The following RNLS variants were observed in gnomAD, a reference collection of about 807,000 sequenced individuals.
RNLS encodes renalase, FAD dependent amine oxidase, also known as renalase.
RNLS carries 39 observed loss-of-function variants against 39.8 expected under a neutral mutation model. The observed-to-expected ratio is 0.98, with a 90% confidence interval of 0.76 to 1.28. The LOEUF (loss-of-function observed/expected upper bound fraction) is 1.28, where lower values mean the gene tolerates loss of function less well. Among genes scored for constraint, RNLS ranks in the 50% most tolerant of loss-of-function variants. The pLI is 0.00. For synonymous variants in RNLS, 147 were observed against 150.7 expected, an observed-to-expected ratio of 0.98 and a Z score of 0.18; for missense variants, 410 against 413.3, an observed-to-expected ratio of 0.99 and a Z score of 0.07.
At chr10:88,337,832 C>A (rs556685371) in intron 5 of RNLS, among the ~76,000 whole-genome samples, 17 of 152,204 alleles carry the variant, frequency 1.1e-4, no homozygotes, top group African/African-American at 3.9e-4. Flanking sequence ...GTGTGTGAAG[C>A]CTTTAGTACT....
intron 4 of RNLS, among the ~76,000 whole-genome samples, chr10:88,516,435 G>C (rs1846410386): frequency 6.6e-6 from 1 of 151,900 alleles, no homozygotes; most frequent in African/African-American, 2.4e-5. Context: ...ATTTTATTTT[G>C]ATTAGGCAAG....
At chr10:88,522,434 A>G (rs1368562685) in intron 4 of RNLS, among the ~76,000 whole-genome samples, 1 of 152,086 alleles carries the variant, frequency 6.6e-6, no homozygotes, top group Non-Finnish European at 1.5e-5. Flanking sequence ...TGAACCAATA[A>G]AGATTTAGCA....
Position 88,549,770 on chromosome 10 carries a change from C to T in RNLS, c.526+23133G>A, listed in dbSNP as rs369461178. On this transcript the variant is annotated intron_variant, in intron 4 of 6. Coordinates refer to ENST00000331772, the MANE Select transcript of RNLS (RefSeq NM_001031709.3). Reference sequence around the variant, plus strand: ...ATCTGCAACATCATTTATCCTAGTCCTCTGAGTTATAGTTAAGGAGGTTGA... The same window carrying T: ...ATCTGCAACATCATTTATCCTAGTCTTCTGAGTTATAGTTAAGGAGGTTGA... Among the ~76,000 whole-genome samples the T allele has an allele frequency of 5.8e-4, 89 of 152,242 alleles. 2 individuals carry two copies. The South Asian group carries it at 7.9e-3, about 13-fold the overall frequency.
intron 4 of RNLS, among the ~76,000 whole-genome samples, chr10:88,399,194 T>C (rs567754601): frequency 6.6e-6 from 1 of 152,110 alleles, no homozygotes; most frequent in Non-Finnish European, 1.5e-5. Flanking sequence ...GGAATATAAA[T>C]GGTACAACTC....
rs182922497 is a variant in RNLS, at chr10:88,566,901, A to G, written c.526+6002T>C. Among the ~76,000 whole-genome samples the G allele has an allele frequency of 1.3e-4, 20 of 152,290 alleles. No homozygotes were observed. The East Asian group carries it at 3.9e-3, about 29-fold the overall frequency. On this transcript the variant is annotated intron_variant, in intron 4 of 6. Transcript: ENST00000331772. ...CATGAAAAATGAACACAAAACTAGT[A>G]ACAATAAGATATATACTTATGAAAT...
chr10:88,210,923 GC>G, the RNLS span, among the ~76,000 whole-genome samples: 1 of 152,080 alleles, frequency 6.6e-6, no homozygotes, highest in African/African-American at 2.4e-5. Context: ...AAGGAGGTTG[GC>G]CTATGTGTGG....
At chr10:88,537,425 T>A (rs144275133) in intron 4 of RNLS, among the ~76,000 whole-genome samples, 1 of 152,184 alleles carries the variant, frequency 6.6e-6, no homozygotes, top group Non-Finnish European at 1.5e-5. Flanking sequence ...GGAGCGCTAT[T>A]TATAATAGTA....
intron 4 of RNLS, among the ~76,000 whole-genome samples, chr10:88,527,595 G>GAGGT (rs1303980514): frequency 6.6e-6 from 1 of 152,110 alleles, no homozygotes; most frequent in Non-Finnish European, 1.5e-5. Context: ...ATTCTATTGA[G>GAGGT]AGGTCCCCCT....
chr10:88,294,587 A>T (rs1460613378), intron 6 of RNLS, among the ~76,000 whole-genome samples: 1 of 152,166 alleles, frequency 6.6e-6, no homozygotes, highest in African/African-American at 2.4e-5. Flanking sequence ...CGAAAATCCA[A>T]CAAAATGTTG....
intron 6 of RNLS, among the ~76,000 whole-genome samples, chr10:88,300,565 C>T (rs1844439173): frequency 6.6e-6 from 1 of 152,208 alleles, no homozygotes; most frequent in Admixed American, 6.5e-5. Flanking sequence ...CTTCTTACCA[C>T]TTCCTCCCAA....
intron 4 of RNLS, among the ~76,000 whole-genome samples, chr10:88,515,548 C>T (rs958192545): frequency 2.6e-5 from 4 of 152,082 alleles, no homozygotes; most frequent in African/African-American, 9.7e-5. Flanking sequence ...TTTCAATGGC[C>T]TTGCCCTATT....
chr10:88,570,975 T>TTG lies in RNLS; in HGVS notation c.526+1927_526+1928insCA, dbSNP rs1554934531. Among the ~76,000 whole-genome samples the TTG allele has an allele frequency of 4.3e-3, 625 of 144,916 alleles. 18 individuals are homozygous for TTG. The South Asian group carries it at 0.069, about 16-fold the overall frequency. On this transcript the variant is annotated intron_variant, in intron 4 of 6. Transcript: ENST00000331772. ...TATGTTGTATATTCTTTTTTTTTTTTTTTTTTTTGGTTTGTTTTTTTTTTT... is the reference window on the plus strand; with the variant it reads ...TATGTTGTATATTCTTTTTTTTTTTTTGTTTTTTTTGGTTTGTTTTTTTTTTT...
chr10:88,329,724 A>AT (rs1260730813), intron 5 of RNLS, among the ~76,000 whole-genome samples: 1 of 150,484 alleles, frequency 6.6e-6, no homozygotes, highest in African/African-American at 2.4e-5. Flanking sequence ...ATTCTGTGTA[A>AT]TTTTTTGTGA....
chr10:88,190,010 G>A, the RNLS span, among the ~76,000 whole-genome samples: 1 of 152,224 alleles, frequency 6.6e-6, no homozygotes, highest in Admixed American at 6.5e-5. Flanking sequence ...ATGACTGAAT[G>A]ATGGTAGGAA....
At chr10:88,313,638 C>T (rs1845542905) in intron 6 of RNLS, among the ~76,000 whole-genome samples, 1 of 152,156 alleles carries the variant, frequency 6.6e-6, no homozygotes, top group African/African-American at 2.4e-5. Context: ...TTTCCCACAA[C>T]ACCACTTTTT....
chr10:88,471,588 CA>C lies in RNLS; in HGVS notation c.526+101314del, dbSNP rs796715699. Among the ~76,000 whole-genome samples the C allele has an allele frequency of 6.5e-4, 99 of 152,268 alleles. 1 individual carries two copies. The highest frequency in any genetic ancestry group is 2.2e-3 in the African/African-American group (92 of 41,550). ...GAGAGGTGTCACGAGTTCCCAAGGCCACTTTCAGGCTTGATGATTCATGAGA... is the reference window on the plus strand; with the variant it reads ...GAGAGGTGTCACGAGTTCCCAAGGCCCTTTCAGGCTTGATGATTCATGAGA... On this transcript the variant is annotated intron_variant, in intron 4 of 6. Coordinates refer to ENST00000331772, the MANE Select transcript of RNLS (RefSeq NM_001031709.3).
the RNLS span, among the ~76,000 whole-genome samples, chr10:88,197,914 A>G: frequency 6.6e-6 from 1 of 152,232 alleles, no homozygotes; most frequent in Non-Finnish European, 1.5e-5. Context: ...TCTAGACTCC[A>G]GAAATGTGAG....
chr10:88,275,900 A>C (rs932280091), intron 6 of RNLS, among the ~76,000 whole-genome samples: 3 of 152,010 alleles, frequency 2.0e-5, no homozygotes, highest in Admixed American at 6.6e-5. Context: ...ACAACAACAA[A>C]AAAATTAGCC....
intron 4 of RNLS, among the ~76,000 whole-genome samples, chr10:88,466,193 T>C (rs1843196357): frequency 6.6e-6 from 1 of 152,080 alleles, no homozygotes; most frequent in Admixed American, 6.6e-5. Context: ...AAGGACAAGC[T>C]AAACTGGAGA....
Sources: allele counts gnomAD v4.1 joint callset (sites outside exome capture counted in the v4.1 genomes callset), GRCh38; gene constraint gnomAD v4.1.1; transcripts MANE v1.5; gene names NCBI Gene and HGNC (gene_info 2026-07-23, HGNC 2026-07-21).